LRP1B: variants seen among roughly 807,000 people sequenced by gnomAD.
LRP1B encodes LDL receptor related protein 1B.
In LRP1B, 217 loss-of-function variants were observed where a neutral mutation model predicts 556.6. The observed-to-expected ratio is 0.39, with a 90% CI of 0.35 to 0.44. LRP1B has a LOEUF of 0.44. Ranked by LOEUF, LRP1B falls within the 20% of genes least tolerant of loss-of-function variation. The pLI is 1.00. For synonymous variants in LRP1B, 2,047 were observed against 1,865.8 expected (o/e 1.10, Z -2.50); for missense variants, 5,053 against 5,620.8 (o/e 0.90, Z 3.23).
At chr2:140,874,879 CGTGGTGGCAGGCACCTGT>C (rs1239934759) in intron 25 of LRP1B, among the ~76,000 whole-genome samples, 1 of 151,806 alleles carries the variant, frequency 6.6e-6, no homozygotes, top group Non-Finnish European at 1.5e-5. Context: ...AATAGCGGGG[CGTGGTGGCAGGCACCTGT>C]AATCCCAGCT....
chr2:140,653,293 CA>C (rs1271207926), intron 41 of LRP1B, among the ~76,000 whole-genome samples: 26 of 151,916 alleles, frequency 1.7e-4, no homozygotes, highest in African/African-American at 6.0e-4. Context: ...TAACAAGTAG[CA>C]AAAGTTTACT....
intron 41 of LRP1B, among the ~76,000 whole-genome samples, chr2:140,682,606 G>A (rs191236929): frequency 2.9e-4 from 44 of 152,030 alleles, no homozygotes; most frequent in Non-Finnish European, 8.8e-5. Context: ...TAACAATATT[G>A]TAATAAGGTT....
At chr2:141,262,210 T>C (rs527444465) in intron 3 of LRP1B, among the ~76,000 whole-genome samples, 3 of 152,236 alleles carry the variant, frequency 2.0e-5, no homozygotes, top group South Asian at 2.1e-4. Flanking sequence ...TTCTGTTCAA[T>C]CTTCTGCCGA....
intron 35 of LRP1B, among the ~76,000 whole-genome samples, chr2:140,720,239 A>G (rs1687353503): frequency 6.6e-6 from 1 of 152,086 alleles, no homozygotes; most frequent in African/African-American, 2.4e-5. Flanking sequence ...CTCTATAATC[A>G]TGTAGTTTAC....
At chr2:141,107,825 G>A (rs915412840) in intron 7 of LRP1B, among the ~76,000 whole-genome samples, 5 of 151,990 alleles carry the variant, frequency 3.3e-5, no homozygotes, top group Non-Finnish European at 7.4e-5. Flanking sequence ...TATGATCACA[G>A]TTTTATTTAA....
intron 41 of LRP1B, among the ~76,000 whole-genome samples, chr2:140,655,657 T>C (rs1684851224): frequency 6.6e-6 from 1 of 152,162 alleles, no homozygotes; most frequent in South Asian, 2.1e-4. Flanking sequence ...ATTAAAAGAA[T>C]AGGCGCCAGG....
intron 7 of LRP1B, among the ~76,000 whole-genome samples, chr2:141,081,356 T>G (rs996563468): frequency 6.6e-6 from 1 of 152,164 alleles, no homozygotes; most frequent in Admixed American, 6.5e-5. Flanking sequence ...TCATAAAATT[T>G]AAAAAAGAAT....
chr2:141,229,088 G>T, intron 6 of LRP1B, 95 bp downstream of exon 6: 1 of 1,248,258 alleles, frequency 8.0e-7, no homozygotes, highest in Non-Finnish European at 1.2e-6. Context: ...CTTTCCAACA[G>T]CCATGAGCTA....
intron 3 of LRP1B, among the ~76,000 whole-genome samples, chr2:141,377,774 A>G (rs1021859308): frequency 2.0e-5 from 3 of 152,176 alleles, no homozygotes; most frequent in Non-Finnish European, 2.9e-5. Flanking sequence ...CAGCCCCTAT[A>G]TTTATCTTTA....
intron 83 of LRP1B, among the ~76,000 whole-genome samples, chr2:140,298,491 A>G (rs1683695297): frequency 6.6e-6 from 1 of 152,194 alleles, no homozygotes; most frequent in Non-Finnish European, 1.5e-5. Flanking sequence ...TAAATTTAGT[A>G]ACATTACTCT....
chr2:141,451,081 C>G (rs1158485684), intron 3 of LRP1B, among the ~76,000 whole-genome samples: 1 of 152,162 alleles, frequency 6.6e-6, no homozygotes, highest in Non-Finnish European at 1.5e-5. Context: ...TCTTCCAAGT[C>G]TTGATACAAG....
At chr2:142,055,613 T>G (rs1704640185) in intron 1 of LRP1B, among the ~76,000 whole-genome samples, 1 of 152,264 alleles carries the variant, frequency 6.6e-6, no homozygotes, top group South Asian at 2.1e-4. Context: ...CTTCAAGAAC[T>G]TCCCATGTTT....
At chr2:141,929,604 G>A (rs1167242994) in intron 1 of LRP1B, among the ~76,000 whole-genome samples, 4 of 151,902 alleles carry the variant, frequency 2.6e-5, no homozygotes, top group Non-Finnish European at 5.9e-5. Context: ...GTCTGTTGTA[G>A]TTTTAGAGAG....
intron 10 of LRP1B, among the ~76,000 whole-genome samples, 169 bp downstream of exon 10, chr2:141,054,947 A>T (rs1169248367): frequency 1.3e-5 from 2 of 152,040 alleles, no homozygotes; most frequent in East Asian, 3.9e-4. Flanking sequence ...CATTCATATT[A>T]TCACAAAAGA....
intron 6 of LRP1B, 83 bp downstream of exon 6, chr2:141,229,100 G>A: frequency 1.5e-6 from 2 of 1,376,180 alleles, no homozygotes; most frequent in Non-Finnish European, 2.0e-6. Flanking sequence ...CATGAGCTAT[G>A]CTAGAAATTT....
At chr2:141,085,583 C>T (rs575746624) in intron 7 of LRP1B, among the ~76,000 whole-genome samples, 115 of 152,224 alleles carry the variant, frequency 7.6e-4, no homozygotes, top group Non-Finnish European at 1.1e-3. Context: ...AGAAACCAAA[C>T]CTGCTAACAT....
chr2:141,911,937 C>T (rs1445442000), intron 1 of LRP1B, among the ~76,000 whole-genome samples: 2 of 152,142 alleles, frequency 1.3e-5, no homozygotes, highest in African/African-American at 2.4e-5. Flanking sequence ...GAACCCCCTA[C>T]AAGCATGCAC....
chr2:141,992,373 A>G (rs1033281037), intron 1 of LRP1B, among the ~76,000 whole-genome samples: 12 of 152,240 alleles, frequency 7.9e-5, no homozygotes, highest in African/African-American at 2.6e-4. Context: ...ATAAGCATCA[A>G]TTCTGTGCAT....
intron 23 of LRP1B, among the ~76,000 whole-genome samples, chr2:140,890,427 T>A (rs1176672147): frequency 1.3e-5 from 2 of 152,182 alleles, no homozygotes; most frequent in Non-Finnish European, 1.5e-5. Context: ...TAAAAGCACA[T>A]GTTTTCTTTG....
Sources: allele counts gnomAD v4.1 joint callset (sites outside exome capture counted in the v4.1 genomes callset), GRCh38; gene constraint gnomAD v4.1.1; transcripts MANE v1.5; gene names NCBI Gene and HGNC (gene_info 2026-07-23, HGNC 2026-07-21).